The following GPR161 variants were observed in gnomAD, a reference collection of about 807,000 sequenced individuals.
GPR161 encodes G-protein coupled receptor RE2.
A neutral mutation model predicts 39.2 loss-of-function variants in GPR161; 25 were observed. That is an observed-to-expected ratio of 0.64 (90% confidence interval 0.47 to 0.89). The LOEUF is 0.89. Among genes scored for constraint, GPR161 ranks in the 40% least tolerant of loss-of-function variants. The pLI is 0.00. For synonymous variants in GPR161, 286 were observed against 276.6 expected (o/e 1.03, Z -0.34); for missense variants, 547 against 677.8 (o/e 0.81, Z 2.14).
chr1:168,105,754 CAT>C (rs1343827139), intron 1 of GPR161, among the ~76,000 whole-genome samples: 10 of 152,342 alleles, frequency 6.6e-5, no homozygotes, highest in South Asian at 6.2e-4. Context: ...CAGGTTGACA[CAT>C]GTTAATGTTA....
intron 1 of GPR161, among the ~76,000 whole-genome samples, chr1:168,114,768 C>T (rs1335544664): frequency 1.3e-5 from 2 of 152,198 alleles, no homozygotes; most frequent in Non-Finnish European, 2.9e-5. Context: ...AGTAACATTT[C>T]ACTGCAAGCC....
rs74708479 is a variant in GPR161, at chr1:168,107,813, G to C, written c.-44-2919C>G. ...ATGCCATTTCTTTCTTTTCAGACCA[G>C]GAAATTCCAAAGGTTGGCAGCACTC... On this transcript the variant is annotated intron_variant, in intron 1 of 5. Coordinates refer to ENST00000682931, the MANE Select transcript of GPR161 (RefSeq NM_001375883.1). Among the ~76,000 whole-genome samples, 366 of 152,250 alleles carry C rather than the reference G, an allele frequency of 2.4e-3. 2 individuals carry two copies. Among genetic ancestry groups the C allele is most frequent in the African/African-American group, 8.3e-3 (346 of 41,532 alleles).
chr1:168,108,399 A>G (rs980394747), intron 1 of GPR161, among the ~76,000 whole-genome samples: 1 of 149,092 alleles, frequency 6.7e-6, no homozygotes, highest in East Asian at 2.0e-4. Context: ...CAGCAACTCC[A>G]TATCTAAGCA....
At chr1:168,128,843 G>T (rs1306751363) in intron 1 of GPR161, among the ~76,000 whole-genome samples, 2 of 151,996 alleles carry the variant, frequency 1.3e-5, no homozygotes. Context: ...TCAGGCACAG[G>T]GCTGTCCCCT....
intron 1 of GPR161, among the ~76,000 whole-genome samples, chr1:168,113,113 G>A (rs1227527694): frequency 6.6e-6 from 1 of 152,154 alleles, no homozygotes; most frequent in Non-Finnish European, 1.5e-5. Flanking sequence ...GAGGCTTCCT[G>A]GCAGGCAGCC....
At chr1:168,136,488 C>T in intron 1 of GPR161, 4 of 1,262,478 alleles carry the variant, frequency 3.2e-6, no homozygotes, top group Non-Finnish European at 4.0e-6. Context: ...AAGCCCCAGG[C>T]CGCAGGGGAG....
At chr1:168,134,982 G>A in intron 1 of GPR161, 1 of 1,535,586 alleles carries the variant, frequency 6.5e-7, no homozygotes, top group Non-Finnish European at 8.7e-7. Context: ...AGAGCTCGCA[G>A]CCCTCTGACC....
At position 168,104,684 on chromosome 1, in the gene GPR161, G is replaced by A. The variant is rs775511949; in HGVS notation, c.167C>T (p.Ser56Phe). The change falls in exon 2 of 6, where the codon TCC becomes TTC. Residue 56 changes from serine to phenylalanine, a missense_variant. Ser to Phe is a radical substitution (Grantham distance 155). Transcript: ENST00000682931. ...LVIVVTLYKKSYLLTLSNKFV... is the reference protein window; with the variant it reads ...LVIVVTLYKKFYLLTLSNKFV... Reference sequence around the variant, plus strand: ...CTTGTTGCTGAGGGTGAGGAGGTAGGACTTCTTGTACAAGGTGACCACGAT... The same window carrying A: ...CTTGTTGCTGAGGGTGAGGAGGTAGAACTTCTTGTACAAGGTGACCACGAT... 1 of 1,613,780 alleles carries A rather than the reference G, an allele frequency of 6.2e-7. No individual in the cohort carries two copies. Among genetic ancestry groups the A allele is most frequent in the Admixed American group, 1.7e-5 (1 of 60,024 alleles).
rs972375481 is a variant in GPR161, at chr1:168,079,874, T to G, written c.*5657A>C. ...GGACTGTCTTTTCCTCTGGGAGGACTGACTCACCTGTGATTTGTGGTATTT... is the reference window on the plus strand; with the variant it reads ...GGACTGTCTTTTCCTCTGGGAGGACGGACTCACCTGTGATTTGTGGTATTT... On this transcript the variant is annotated 3_prime_UTR_variant, in exon 6 of 6. Coordinates refer to ENST00000682931, the MANE Select transcript of GPR161 (RefSeq NM_001375883.1). The G allele has an allele frequency of 2.0e-5, 3 of 152,196 alleles. No homozygotes were observed. Among genetic ancestry groups the G allele is most frequent in the African/African-American group, 7.2e-5 (3 of 41,436 alleles). 9.4% of individuals were successfully genotyped at this position (152,196 alleles called of 1,614,324 possible). A position where few individuals can be genotyped will look rare whatever the true frequency, so the allele number is the denominator to read the frequency against.
intron 1 of GPR161, among the ~76,000 whole-genome samples, chr1:168,110,509 G>GA (rs113090044): frequency 0.054 from 1,394 of 25,856 alleles, 173 homozygotes; most frequent in East Asian, 0.17. Flanking sequence ...CATTAAAAAA[G>GA]AAAAAAAAAA....
intron 2 of GPR161, among the ~76,000 whole-genome samples, chr1:168,100,965 A>G (rs1696039006): frequency 1.3e-5 from 2 of 152,164 alleles, no homozygotes; most frequent in South Asian, 4.1e-4. Flanking sequence ...TGTCCCCAGC[A>G]CGCCCTACTT....
intron 1 of GPR161, among the ~76,000 whole-genome samples, chr1:168,121,287 C>A (rs181022651): frequency 1.3e-5 from 2 of 152,310 alleles, no homozygotes; most frequent in African/African-American, 2.4e-5. Context: ...TGGAACAACT[C>A]CCCAGGTGAC....
chr1:168,128,192 G>A (rs1489437393), intron 1 of GPR161, among the ~76,000 whole-genome samples: 2 of 152,172 alleles, frequency 1.3e-5, no homozygotes, highest in East Asian at 3.8e-4. Context: ...GAGCTGAAAT[G>A]ATATCAGTGA....
intron 1 of GPR161, among the ~76,000 whole-genome samples, chr1:168,119,201 T>TATATACGTATATATATATAC (rs1421018702): frequency 2.7e-5 from 3 of 111,774 alleles, no homozygotes; most frequent in African/African-American, 1.2e-4. Context: ...CCATCATATA[T>TATATACGTATATATATATAC]ATATATATGT....
intron 1 of GPR161, 89 bp downstream of exon 1, chr1:168,136,650 C>G: frequency 8.3e-7 from 1 of 1,204,494 alleles, no homozygotes. Flanking sequence ...GCCCTGAGCC[C>G]TCAGCCTCGC....
At chr1:168,136,462 G>C in intron 1 of GPR161, 1 of 1,274,602 alleles carries the variant, frequency 7.8e-7, no homozygotes, top group Non-Finnish European at 9.9e-7. Flanking sequence ...CCAGCAGAAT[G>C]GGGTGGGCCT....
At chr1:168,090,335 G>C in intron 4 of GPR161, 1 of 443,872 alleles carries the variant, frequency 2.3e-6, no homozygotes, top group Non-Finnish European at 4.0e-6. Context: ...GTGCGGCAGA[G>C]AGAACAGGAA....
intron 3 of GPR161, among the ~76,000 whole-genome samples, chr1:168,095,294 G>A (rs1270849808): frequency 2.6e-5 from 4 of 152,170 alleles, no homozygotes; most frequent in Non-Finnish European, 5.9e-5. Context: ...ACAAACAAAG[G>A]ACATTAATGA....
chr1:168,087,517 A>T (rs1694639856), intron 5 of GPR161, 68 bp downstream of exon 5: 1 of 1,583,136 alleles, frequency 6.3e-7, no homozygotes, highest in African/African-American at 1.3e-5. Context: ...AGCCTGAGCC[A>T]AGGAATTGTC....
Sources: gnomAD v4.1 joint callset for allele counts (sites outside exome capture counted in the v4.1 genomes callset) on GRCh38, gnomAD v4.1.1 for gene constraint, MANE v1.5 for transcripts, NCBI Gene and HGNC (gene_info 2026-07-23, HGNC 2026-07-21) for gene names.